The following PARN variants were observed in gnomAD, a reference collection of about 807,000 sequenced individuals.
PARN encodes poly(A)-specific ribonuclease.
A neutral mutation model predicts 102.8 loss-of-function variants in PARN; 71 were observed. That is an observed-to-expected ratio of 0.69 (90% CI 0.57 to 0.84). The LOEUF (loss-of-function observed/expected upper bound fraction) is 0.84. PARN is among the 40% of genes least tolerant of loss of function. The pLI, the probability that PARN is intolerant of heterozygous loss-of-function variation, is 0.00. For synonymous variants in PARN, 261 were observed against 252.9 expected (o/e 1.03, Z -0.30); for missense variants, 782 against 760.9 (o/e 1.03, Z -0.33).
chr16:14,542,188 T>G (rs1966845469), intron 21 of PARN, among the ~76,000 whole-genome samples: 2 of 152,092 alleles, frequency 1.3e-5, no homozygotes, highest in Admixed American at 1.3e-4. Flanking sequence ...TTATTTTTAG[T>G]AGAGACAGGG....
In PARN at chr16:14,610,783, C is replaced by T. The variant is rs1971479010; in HGVS notation, c.415G>A (p.Glu139Lys). The T allele has an allele frequency of 6.2e-7, 1 of 1,610,854 alleles. No individual in the cohort carries two copies. The highest frequency in any genetic ancestry group is 1.7e-5 in the Admixed American group (1 of 59,930). Residue 139 changes from glutamate (E) to lysine (K), a missense_variant, in exon 7 of 24, where the codon GAA becomes AAA. Physicochemically the swap from Glu to Lys is moderately conservative, Grantham distance 56 (BLOSUM62 1). Transcript: ENST00000437198. ...NGIPYLNQEEERQLREQYDEK... is the reference protein window; with the variant it reads ...NGIPYLNQEEKRQLREQYDEK... Reference sequence around the variant, plus strand: ...TCATACTGCTCTCTTAACTGTCTTTCTTCTTCCTGATTTAAATATGGAATT... The same window carrying T: ...TCATACTGCTCTCTTAACTGTCTTTTTTCTTCCTGATTTAAATATGGAATT...
chr16:14,498,922 T>A (rs1964450820), intron 21 of PARN, among the ~76,000 whole-genome samples: 1 of 152,242 alleles, frequency 6.6e-6, no homozygotes, highest in Non-Finnish European at 1.5e-5. Context: ...ATTGGTGAGT[T>A]CTGTCTAGAC....
In PARN at chr16:14,435,925, CACACACACACACACACACAG is replaced by C. The variant is rs1359144493; in HGVS notation, c.*772_*791del. 3.3e-5 allele frequency: 5 copies of C among 152,432 alleles called. No individual in the cohort carries two copies. Among genetic ancestry groups the C allele is most frequent in the African/African-American group, 1.2e-4 (5 of 41,178 alleles). The allele number at this position is 152,432 out of a possible 1,614,324, so 9.4% of individuals were successfully genotyped here. A position where few individuals can be genotyped will look rare whatever the true frequency, so the allele number is the denominator to read the frequency against. On this transcript the variant is annotated 3_prime_UTR_variant, in exon 24 of 24. Coordinates refer to ENST00000437198, the MANE Select transcript of PARN (RefSeq NM_002582.4). ...ACACACACACACACACACACACACACACACACACACACACACACAGACACGTACGCACACACGCTGCCGTA... is the reference window on the plus strand; with the variant it reads ...ACACACACACACACACACACACACACACACGTACGCACACACGCTGCCGTA...
chr16:14,512,777 C>G (rs989680942), intron 21 of PARN, among the ~76,000 whole-genome samples: 1 of 152,116 alleles, frequency 6.6e-6, no homozygotes, highest in Non-Finnish European at 1.5e-5. Flanking sequence ...TTTATCCATA[C>G]GTTTCTACAG....
At chr16:14,457,788 A>T (rs1961745859) in intron 22 of PARN, among the ~76,000 whole-genome samples, 1 of 116,806 alleles carries the variant, frequency 8.6e-6, no homozygotes, top group Admixed American at 1.2e-4. Flanking sequence ...ACACAGTGAG[A>T]CTCTGTCTCA....
intron 23 of PARN, among the ~76,000 whole-genome samples, chr16:14,438,114 A>G (rs1367164934): frequency 6.6e-6 from 1 of 152,196 alleles, no homozygotes; most frequent in Non-Finnish European, 1.5e-5. Context: ...GAGATGATCC[A>G]CTGAAAAGGA....
chr16:14,498,137 A>G (rs1313192960), intron 21 of PARN, among the ~76,000 whole-genome samples: 1 of 151,910 alleles, frequency 6.6e-6, no homozygotes, highest in East Asian at 1.9e-4. Flanking sequence ...AAAAAAAAAA[A>G]AAAAAAGAAT....
At chr16:14,539,881 G>C (rs1452963957) in intron 21 of PARN, among the ~76,000 whole-genome samples, 1 of 152,132 alleles carries the variant, frequency 6.6e-6, no homozygotes, top group Non-Finnish European at 1.5e-5. Context: ...TGAACACACA[G>C]ACTTTTTTCT....
chr16:14,561,666 G>A (rs1484694908), intron 18 of PARN, among the ~76,000 whole-genome samples: 2 of 152,096 alleles, frequency 1.3e-5, no homozygotes, highest in African/African-American at 4.8e-5. Flanking sequence ...TAAATTAGCC[G>A]GGCAAGGTGG....
chr16:14,475,620 A>T (rs1265208695), intron 22 of PARN, among the ~76,000 whole-genome samples: 1 of 152,264 alleles, frequency 6.6e-6, no homozygotes, highest in African/African-American at 2.4e-5. Context: ...GCTCATCTCT[A>T]GCAGCACTGC....
At chr16:14,458,516 C>T (rs895949898) in intron 22 of PARN, among the ~76,000 whole-genome samples, 2 of 152,144 alleles carry the variant, frequency 1.3e-5, no homozygotes, top group Non-Finnish European at 2.9e-5. Context: ...ACAGGAGAGG[C>T]AGCATCAGAG....
intron 16 of PARN, among the ~76,000 whole-genome samples, chr16:14,584,139 C>T (rs111581862): frequency 2.0e-3 from 301 of 152,230 alleles, no homozygotes; most frequent in African/African-American, 7.0e-3. Context: ...TGAATGGCTA[C>T]CCAACTCCAT....
intron 20 of PARN, among the ~76,000 whole-genome samples, chr16:14,553,746 C>T (rs1967477995): frequency 6.6e-6 from 1 of 152,176 alleles, no homozygotes; most frequent in Non-Finnish European, 1.5e-5. Flanking sequence ...AACACACAAA[C>T]CCTGTGAGTT....
chr16:14,589,113 G>A (rs906743791), intron 13 of PARN, among the ~76,000 whole-genome samples: 34 of 151,972 alleles, frequency 2.2e-4, no homozygotes, highest in African/African-American at 8.0e-4. Context: ...CCGGTAGGCA[G>A]AGGTTGCAGT....
intron 22 of PARN, among the ~76,000 whole-genome samples, chr16:14,479,474 C>T (rs1041100899): frequency 1.3e-5 from 2 of 149,148 alleles, no homozygotes; most frequent in African/African-American, 4.9e-5. Flanking sequence ...TACAAGATCG[C>T]CACAGTAAAA....
intron 23 of PARN, among the ~76,000 whole-genome samples, chr16:14,441,885 A>T (rs768259355): frequency 5.3e-5 from 8 of 152,308 alleles, no homozygotes; most frequent in Non-Finnish European, 1.2e-4. Context: ...TTAGGTTCTA[A>T]ATTTTTATAC....
At chr16:14,446,326 A>G (rs928314808) in intron 23 of PARN, among the ~76,000 whole-genome samples, 1 of 152,236 alleles carries the variant, frequency 6.6e-6, no homozygotes, top group Non-Finnish European at 1.5e-5. Flanking sequence ...CATCTGCTTC[A>G]TCAAATAAGG....
rs542226211 is a variant in PARN at position 14,600,787 on chromosome 16, G to A, written c.784-827C>T. On this transcript the variant is annotated intron_variant, in intron 11 of 23. Coordinates refer to ENST00000437198, the MANE Select transcript of PARN (RefSeq NM_002582.4). ...CTCTACTAAAAATAAAAAATTATCCGGACGTGGTGGTGCATGCCTGTAATC... is the reference window on the plus strand; with the variant it reads ...CTCTACTAAAAATAAAAAATTATCCAGACGTGGTGGTGCATGCCTGTAATC... Among the ~76,000 whole-genome samples, 8 of 152,158 alleles carry A rather than the reference G, an allele frequency of 5.3e-5. No individual in the cohort carries two copies. In the South Asian group the frequency reaches 8.3e-4, roughly 16 times the overall value.
At chr16:14,479,344 C>T (rs1351466372) in intron 22 of PARN, among the ~76,000 whole-genome samples, 1 of 151,640 alleles carries the variant, frequency 6.6e-6, no homozygotes, top group Non-Finnish European at 1.5e-5. Flanking sequence ...CTCCTAGGGC[C>T]CAAGAGGTCA....
Sources: gnomAD v4.1 joint callset for allele counts (sites outside exome capture counted in the v4.1 genomes callset) on GRCh38, gnomAD v4.1.1 for gene constraint, MANE v1.5 for transcripts, NCBI Gene and HGNC (gene_info 2026-07-23, HGNC 2026-07-21) for gene names.